Variants in THOC7 observed in about 807,000 individuals in gnomAD.
THOC7 encodes THO complex subunit 7.
THOC7 carries 22 observed loss-of-function variants against 33.1 expected under a neutral mutation model. The observed-to-expected ratio is 0.66, with a 90% CI of 0.47 to 0.95. The LOEUF (loss-of-function observed/expected upper bound fraction) is 0.95, where lower values mean the gene tolerates loss of function less well. Among genes scored for constraint, THOC7 ranks in the 40% least tolerant of loss-of-function variants. The pLI, the probability that THOC7 is intolerant of heterozygous loss-of-function variation, is 0.00. For missense variants in THOC7, 184 were observed against 245.3 expected, an observed-to-expected ratio of 0.75 and a Z score of 1.67; for synonymous variants, 77 against 76.8, an observed-to-expected ratio of 1.00 and a Z score of -0.01.
chr3:63,852,412 A>G (rs6765064), intron 1 of THOC7, among the ~76,000 whole-genome samples: 1 of 152,200 alleles, frequency 6.6e-6, no homozygotes, highest in African/African-American at 2.4e-5. Context: ...ATCTTTTTAT[A>G]GTATTTGATT....
In THOC7 at chr3:63,856,297, T is replaced by C. The variant is rs79800042; in HGVS notation, c.19+7475A>G. Among the ~76,000 whole-genome samples the C allele has an allele frequency of 3.1e-3, 467 of 151,892 alleles. 3 individuals are homozygous for C. The highest frequency in any genetic ancestry group is 0.011 in the African/African-American group (449 of 41,400). On this transcript the variant is annotated intron_variant, in intron 1 of 7. Coordinates refer to ENST00000295899, the MANE Select transcript of THOC7 (RefSeq NM_025075.4). ...GGGAGGGGCGGGGATGCTTAATTAG[T>C]ACAAAAACATAGAGTGAATAGGATC...
At position 63,844,117 on chromosome 3, in the gene THOC7, A is replaced by G. The variant is rs74966810; in HGVS notation, c.20-4344T>C. Among the ~76,000 whole-genome samples, 37 of 152,342 alleles carry G rather than the reference A, an allele frequency of 2.4e-4. 1 individual carries two copies. The East Asian group carries it at 6.2e-3, about 25-fold the overall frequency. ...GCAGGCACAGAGAGATAAATAATGCATGATCACACTTACATATGGAATCTA... is the reference window on the plus strand; with the variant it reads ...GCAGGCACAGAGAGATAAATAATGCGTGATCACACTTACATATGGAATCTA... On this transcript the variant is annotated intron_variant, in intron 1 of 7. Coordinates refer to ENST00000295899, the MANE Select transcript of THOC7 (RefSeq NM_025075.4).
intron 1 of THOC7, among the ~76,000 whole-genome samples, chr3:63,858,570 A>G (rs1314723789): frequency 2.6e-5 from 4 of 152,180 alleles, no homozygotes; most frequent in African/African-American, 7.2e-5. Flanking sequence ...TGGCATATCA[A>G]TATATCACCT....
rs186313466 is a variant in THOC7, at chr3:63,839,496, A to G, written c.137+160T>C. ...TAATAAACATATGAGAGGCCTTTGAAGAGAAGAAAAGGCCAAGAAAATCTA... is the reference window on the plus strand; with the variant it reads ...TAATAAACATATGAGAGGCCTTTGAGGAGAAGAAAAGGCCAAGAAAATCTA... On this transcript the variant is annotated intron_variant, in intron 2 of 7. Transcript: ENST00000295899. Among the ~76,000 whole-genome samples the G allele has an allele frequency of 5.9e-3, 894 of 152,286 alleles. 6 individuals are homozygous for G. The highest frequency in any genetic ancestry group is 8.2e-3 in the Non-Finnish European group (561 of 68,012).
intron 5 of THOC7, 24 bp from the exon 6 acceptor site, chr3:63,835,414 C>T: frequency 2.5e-6 from 4 of 1,609,490 alleles, no homozygotes; most frequent in Non-Finnish European, 1.7e-6. Context: ...AACAGTGTTA[C>T]ATTTTGCTGA....
At chr3:63,838,129 G>C in intron 3 of THOC7, 67 bp from the exon 4 acceptor site, 1 of 1,422,296 alleles carries the variant, frequency 7.0e-7, no homozygotes, top group South Asian at 1.3e-5. Context: ...ATTTTAAAAC[G>C]CATTTATAAA....
At chr3:63,862,281 T>A (rs1345534472) in intron 1 of THOC7, among the ~76,000 whole-genome samples, 3 of 152,238 alleles carry the variant, frequency 2.0e-5, no homozygotes, top group African/African-American at 7.2e-5. Flanking sequence ...CAGTCCAATA[T>A]CTATTTATTC....
At chr3:63,859,971 T>TTTTA (rs1297948747) in intron 1 of THOC7, among the ~76,000 whole-genome samples, 3 of 152,170 alleles carry the variant, frequency 2.0e-5, no homozygotes, top group Non-Finnish European at 2.9e-5. Context: ...TGTCCATTGA[T>TTTTA]TTTATTTATT....
At chr3:63,861,272 C>T (rs1575817917) in intron 1 of THOC7, among the ~76,000 whole-genome samples, 1 of 152,276 alleles carries the variant, frequency 6.6e-6, no homozygotes, top group East Asian at 1.9e-4. Flanking sequence ...TAGAACTCAT[C>T]TTCTGTCCCT....
intron 5 of THOC7, among the ~76,000 whole-genome samples, chr3:63,835,867 T>C (rs1034670573): frequency 3.9e-5 from 6 of 152,084 alleles, no homozygotes; most frequent in African/African-American, 1.4e-4. Context: ...TAATACACAG[T>C]ATTGGTATAT....
intron 1 of THOC7, among the ~76,000 whole-genome samples, chr3:63,841,944 A>G (rs1051099012): frequency 1.3e-5 from 2 of 152,172 alleles, no homozygotes; most frequent in Admixed American, 6.5e-5. Flanking sequence ...TTTTTTTGCT[A>G]CATGCCTGGA....
At chr3:63,837,843 A>C in intron 4 of THOC7, 133 bp downstream of exon 4, 1 of 638,390 alleles carries the variant, frequency 1.6e-6, no homozygotes, top group Non-Finnish European at 2.6e-6. Context: ...TATAGTTTTA[A>C]GGAATTAAAA....
At chr3:63,844,757 G>C (rs1285523274) in intron 1 of THOC7, among the ~76,000 whole-genome samples, 2 of 152,192 alleles carry the variant, frequency 1.3e-5, no homozygotes, top group African/African-American at 2.4e-5. Context: ...ACAGCAAGAA[G>C]ACCCTCACCA....
intron 1 of THOC7, among the ~76,000 whole-genome samples, chr3:63,842,051 T>C (rs770523225): frequency 2.6e-5 from 4 of 151,994 alleles, no homozygotes; most frequent in Non-Finnish European, 4.4e-5. Flanking sequence ...AGTGCCCTGA[T>C]TGAGAGGAAA....
chr3:63,846,145 CTCTT>C (rs758176704), intron 1 of THOC7: 17 of 428,286 alleles, frequency 4.0e-5, no homozygotes, highest in African/African-American at 1.0e-4. Flanking sequence ...GCCTCTCTCT[CTCTT>C]TCTTTGCCTG....
chr3:63,856,296 G>C (rs1702114781), intron 1 of THOC7, among the ~76,000 whole-genome samples: 1 of 151,902 alleles, frequency 6.6e-6, no homozygotes, highest in African/African-American at 2.4e-5. Flanking sequence ...TGCTTAATTA[G>C]TACAAAAACA....
intron 1 of THOC7, among the ~76,000 whole-genome samples, chr3:63,862,730 C>T (rs1449315344): frequency 6.6e-6 from 1 of 152,100 alleles, no homozygotes; most frequent in African/African-American, 2.4e-5. Flanking sequence ...CAGGCATTTA[C>T]AGTTACCGGT....
Position 63,859,480 on chromosome 3 carries a change from G to A in THOC7, c.19+4292C>T, listed in dbSNP as rs143845684. ...AGGGTGCAGAGCTTGTTTTCACCTC[G>A]GGCCTTTGCACTAGTTGTTGTCTCT... On this transcript the variant is annotated intron_variant, in intron 1 of 7. Transcript: ENST00000295899. Among the ~76,000 whole-genome samples the A allele has an allele frequency of 8.9e-3, 1,356 of 152,188 alleles. 20 individuals carry two copies. Among genetic ancestry groups the A allele is most frequent in the African/African-American group, 0.029 (1,195 of 41,528 alleles).
At chr3:63,854,276 T>A (rs1233115391) in intron 1 of THOC7, among the ~76,000 whole-genome samples, 2 of 152,258 alleles carry the variant, frequency 1.3e-5, no homozygotes, top group Non-Finnish European at 2.9e-5. Flanking sequence ...GGACTGCTGC[T>A]GATAGTTCCT....
Sources: allele counts gnomAD v4.1 joint callset (sites outside exome capture counted in the v4.1 genomes callset), GRCh38; gene constraint gnomAD v4.1.1; transcripts MANE v1.5; gene names NCBI Gene and HGNC (gene_info 2026-07-23, HGNC 2026-07-21).